Variants in PCIF1 observed in about 807,000 individuals in gnomAD.
The protein encoded by PCIF1 is mRNA (2'-O-methyladenosine-N(6)-)-methyltransferase.
PCIF1 carries 12 observed loss-of-function variants against 86.9 expected under a neutral mutation model. The observed-to-expected ratio is 0.14, with a 90% confidence interval of 0.09 to 0.22. PCIF1 has a LOEUF of 0.22. PCIF1 is among the 10% of genes least tolerant of loss of function. The probability of loss-of-function intolerance (pLI) is 1.00; values close to 1 mark genes in which losing one functional copy is unlikely to be tolerated. For synonymous variants in PCIF1, 397 were observed against 372.0 expected, an observed-to-expected ratio of 1.07 and a Z score of -0.77; for missense variants, 701 against 951.1, an observed-to-expected ratio of 0.74 and a Z score of 3.46.
In PCIF1 at chr20:45,943,364, G is replaced by C. The variant is rs751808254; in HGVS notation, c.846G>C (p.Glu282Asp). 6.2e-7 allele frequency: 1 copy of C among 1,614,152 alleles called. No individual in the cohort carries two copies. The highest frequency in any genetic ancestry group is 8.5e-7 in the Non-Finnish European group (1 of 1,180,006). ...PIRLSRIKFR[E>D]EAKRLLFKYA... Reference sequence around the variant, plus strand: ...GGTTATCCCGAATCAAGTTCCGGGAGGAAGCCAAGCGCCTGCTCTTTAAAT... The same window carrying C: ...GGTTATCCCGAATCAAGTTCCGGGACGAAGCCAAGCGCCTGCTCTTTAAAT... The change falls in exon 9 of 17, where the codon GAG (glutamate) becomes GAC (aspartate). Residue 282 changes from glutamate to aspartate, a missense_variant. By Grantham distance (45) the Glu-to-Asp change is conservative. Transcript: ENST00000372409. This position sits in a 1 kb window ranked among gnomAD's most constrained non-coding sequence, Gnocchi z 5.5.
chr20:45,939,796 T>A (rs1365600985), intron 4 of PCIF1, among the ~76,000 whole-genome samples: 3 of 152,126 alleles, frequency 2.0e-5, no homozygotes, highest in Admixed American at 2.0e-4. Flanking sequence ...CATTCTAGGA[T>A]CTGACATGTC....
In PCIF1 at chr20:45,945,630, C is replaced by T. The variant is rs188056802; in HGVS notation, c.1169-81C>T. On this transcript the variant is annotated intron_variant, in intron 11 of 16. Coordinates refer to ENST00000372409, the MANE Select transcript of PCIF1 (RefSeq NM_022104.4). ...GATCTGTGGAATGGGACTTCCCTCTCTCGGTACAAAGCATGTGGCCCACAG... is the reference window on the plus strand; with the variant it reads ...GATCTGTGGAATGGGACTTCCCTCTTTCGGTACAAAGCATGTGGCCCACAG... 1.7e-3 allele frequency: 2,628 copies of T among 1,512,588 alleles called. 1 individual carries two copies. The highest frequency in any genetic ancestry group is 2.0e-3 in the Non-Finnish European group (2,252 of 1,112,878). The allele number at this position is 1,512,588 out of a possible 1,614,324, so 93.7% of individuals were successfully genotyped here. A position where few individuals can be genotyped will look rare whatever the true frequency, so the allele number is the denominator to read the frequency against.
intron 1 of PCIF1, among the ~76,000 whole-genome samples, chr20:45,935,753 A>G (rs907899635): frequency 2.6e-5 from 4 of 152,108 alleles, no homozygotes; most frequent in Non-Finnish European, 5.9e-5. Context: ...TAAAAATACA[A>G]ATTCTTGTGT....
chr20:45,943,557 C>G lies in PCIF1; in HGVS notation c.906-109C>G, dbSNP rs143785744. On this transcript the variant is annotated intron_variant, in intron 9 of 16. Coordinates refer to ENST00000372409, the MANE Select transcript of PCIF1 (RefSeq NM_022104.4). The surrounding 1 kb of genome is among the most constrained non-coding windows in gnomAD (Gnocchi z 5.5). Reference sequence around the variant, plus strand: ...GTGGGGCCAGCTCCCAAAGGCAGAACAAGGGCTGTGATGGAAGCTAGGGGT... The same window carrying G: ...GTGGGGCCAGCTCCCAAAGGCAGAAGAAGGGCTGTGATGGAAGCTAGGGGT... 2.5e-4 allele frequency: 338 copies of G among 1,354,278 alleles called. 1 individual carries two copies. In the East Asian group the frequency reaches 8.4e-3, roughly 34 times the overall value. 83.9% of individuals were successfully genotyped at this position (1,354,278 alleles called of 1,614,324 possible). A position where few individuals can be genotyped will look rare whatever the true frequency, so the allele number is the denominator to read the frequency against.
Position 45,944,934 on chromosome 20 carries a change from G to T in PCIF1, c.1072G>T (p.Glu358Ter). 6.2e-7 allele frequency: 1 copy of T among 1,614,186 alleles called. No individual in the cohort carries two copies. Among genetic ancestry groups the T allele is most frequent in the Non-Finnish European group, 8.5e-7 (1 of 1,180,026 alleles). ...CTCGGCCGCAGCCAAGGACTCCGTG[G>T]AAGGCATCTGCAGTAAGATCTACCA... The part of the protein sequence containing the change: ...HVSAAAKDSV[E>*]GICSKIYHIS... The change falls in exon 11 of 17, where the codon GAA becomes TAA. Residue 358 changes from glutamate to a stop codon, truncating the protein, a stop_gained. Transcript: ENST00000372409. LOFTEE classifies it high-confidence loss of function.
In PCIF1 at chr20:45,947,982, T is replaced by A; in HGVS notation, c.*227T>A. 6.6e-7 allele frequency: 1 copy of A among 1,522,448 alleles called. No individual in the cohort carries two copies. The highest frequency in any genetic ancestry group is 2.5e-5 in the East Asian group (1 of 40,372). The allele number at this position is 1,522,448 out of a possible 1,614,324, so 94.3% of individuals were successfully genotyped here. A position where few individuals can be genotyped will look rare whatever the true frequency, so the allele number is the denominator to read the frequency against. On this transcript the variant is annotated 3_prime_UTR_variant, in exon 17 of 17. Transcript: ENST00000372409. The surrounding 1 kb of genome is among the most constrained non-coding windows in gnomAD (Gnocchi z 5.4). ...CCCCGCCCCTCACCCTGTTGCCACC[T>A]TGTTTCATTTGTAAAAGGAAATACA...
At position 45,947,062 on chromosome 20, in the gene PCIF1, C is replaced by T. The variant is rs765402620; in HGVS notation, c.1614-11C>T. The T allele has an allele frequency of 3.1e-6, 5 of 1,602,668 alleles. No individual in the cohort carries two copies. The highest frequency in any genetic ancestry group is 2.2e-5 in the South Asian group (2 of 90,316). On this transcript the variant is annotated splice_polypyrimidine_tract_variant and intron_variant, in intron 14 of 16. Coordinates refer to ENST00000372409, the MANE Select transcript of PCIF1 (RefSeq NM_022104.4). The surrounding 1 kb of genome is among the most constrained non-coding windows in gnomAD (Gnocchi z 5.4). ...CCTGATGGGACTTAGAATGCTCACTCCTGTCCCCAGGCCCTGCCTAGACTT... is the reference window on the plus strand; with the variant it reads ...CCTGATGGGACTTAGAATGCTCACTTCTGTCCCCAGGCCCTGCCTAGACTT...
intron 7 of PCIF1, among the ~76,000 whole-genome samples, chr20:45,942,766 CTTTTTT>C (rs780815783): frequency 7.0e-5 from 5 of 71,760 alleles, no homozygotes; most frequent in South Asian, 5.8e-4. Context: ...CAGCTAATTT[CTTTTTT>C]TTTTTTTTTT....
intron 14 of PCIF1, among the ~76,000 whole-genome samples, chr20:45,946,629 G>A (rs2083529544): frequency 6.6e-6 from 1 of 152,202 alleles, no homozygotes; most frequent in Admixed American, 6.5e-5. Flanking sequence ...GTTCAGGGTG[G>A]AATAGGAACA....
chr20:45,944,912 G>T lies in PCIF1; in HGVS notation c.1050G>T (p.Ser350=). The T allele has an allele frequency of 6.2e-7, 1 of 1,614,092 alleles. No homozygotes were observed. Among genetic ancestry groups the T allele is most frequent in the Non-Finnish European group, 8.5e-7 (1 of 1,180,002 alleles). The change falls in exon 11 of 17, where the codon TCG becomes TCT. Residue 350 remains serine (S), a synonymous_variant. Transcript: ENST00000372409. ...GGAGGCAGTGTGGCCCCCACGTCTC[G>T]GCCGCAGCCAAGGACTCCGTGGAAG... ...HLRRQCGPHV[S]AAAKDSVEGI... is the part of the protein sequence containing the mutation.
At chr20:45,944,780 T>C (rs962798077) in intron 10 of PCIF1, 88 bp from the exon 11 acceptor site, 2 of 1,432,924 alleles carry the variant, frequency 1.4e-6, no homozygotes, top group Non-Finnish European at 9.4e-7. Context: ...CAAGGACTGC[T>C]GGACTCCAAC....
intron 2 of PCIF1, 149 bp from the exon 3 acceptor site, chr20:45,938,832 C>T: frequency 9.8e-7 from 1 of 1,017,350 alleles, no homozygotes; most frequent in Non-Finnish European, 1.5e-6. Context: ...GCTTAGATCC[C>T]AGGGCTGCTG....
At chr20:45,940,701 G>C in intron 5 of PCIF1, 89 bp downstream of exon 5, 1 of 1,569,334 alleles carries the variant, frequency 6.4e-7, no homozygotes, top group Non-Finnish European at 8.6e-7. Context: ...GCATTGGCAG[G>C]CCAGCCAGGA....
At chr20:45,936,899 C>T (rs1451745590) in intron 1 of PCIF1, among the ~76,000 whole-genome samples, 1 of 152,176 alleles carries the variant, frequency 6.6e-6, no homozygotes, top group Non-Finnish European at 1.5e-5. Flanking sequence ...TGCACTCCAG[C>T]CTGGGTGATG....
chr20:45,934,771 T>C lies in PCIF1; in HGVS notation c.-221T>C, dbSNP rs2083400914. 1 of 398,146 alleles carries C rather than the reference T, an allele frequency of 2.5e-6. No homozygotes were observed. The highest frequency in any genetic ancestry group is 4.4e-5 in the Admixed American group (1 of 22,680). 24.7% of individuals were successfully genotyped at this position (398,146 alleles called of 1,614,324 possible). ...GCAAAACGGGCGGTCGAGCAGAACG[T>C]GTAGCCGCGTCCCCTCCAGTCCGCT... On this transcript the variant is annotated 5_prime_UTR_variant, in exon 1 of 17. Coordinates refer to ENST00000372409, the MANE Select transcript of PCIF1 (RefSeq NM_022104.4).
intron 11 of PCIF1, among the ~76,000 whole-genome samples, chr20:45,945,275 A>ACT (rs1435177091): frequency 6.6e-6 from 1 of 152,228 alleles, no homozygotes; most frequent in African/African-American, 2.4e-5. Context: ...TGCAAGCCTT[A>ACT]CTTTCCCCAG....
intron 1 of PCIF1, 139 bp from the exon 2 acceptor site, chr20:45,937,279 T>G (rs1042766767): frequency 2.5e-6 from 1 of 397,316 alleles, no homozygotes; most frequent in African/African-American, 2.1e-5. Context: ...GGTATCATTT[T>G]CATCCCCTGT....
chr20:45,947,691 C>T lies in PCIF1; in HGVS notation c.2051C>T (p.Ser684Leu), dbSNP rs760175614. ...HSSGSSSSSSSEAKDRDSGRE... is the reference protein window; with the variant it reads ...HSSGSSSSSSLEAKDRDSGRE... ...TCTGGTTCTTCCTCATCGTCCTCCTCGGAGGCCAAGGACCGGGACTCGGGC... is the reference window on the plus strand; with the variant it reads ...TCTGGTTCTTCCTCATCGTCCTCCTTGGAGGCCAAGGACCGGGACTCGGGC... Residue 684 changes from serine to leucine, a missense_variant, in exon 17 of 17, where the codon TCG (serine) becomes TTG (leucine). Ser to Leu is a moderately radical substitution (Grantham distance 145). This residue lies in a region of PCIF1 where 174 missense variants were observed against 206.9 expected (regional missense o/e 0.84). Transcript: ENST00000372409. The surrounding 1 kb of genome is among the most constrained non-coding windows in gnomAD (Gnocchi z 5.4). The T allele has an allele frequency of 8.1e-6, 13 of 1,609,650 alleles. No homozygotes were observed. Among genetic ancestry groups the T allele is most frequent in the Middle Eastern group, 1.7e-4 (1 of 6,050 alleles).
intron 2 of PCIF1, 39 bp from the exon 3 acceptor site, chr20:45,938,942 G>C (rs550567225): frequency 6.2e-7 from 1 of 1,604,506 alleles, no homozygotes; most frequent in Non-Finnish European, 8.5e-7. Context: ...TGGCGGGTGA[G>C]GGGGTGGAGC....
Sources: gnomAD v4.1 joint callset for allele counts (sites outside exome capture counted in the v4.1 genomes callset) on GRCh38, gnomAD v4.1.1 for gene constraint, gnomAD v4.1.1 regional missense constraint, Gnocchi (gnomAD v3.1) non-coding constraint, MANE v1.5 for transcripts, NCBI Gene and HGNC (gene_info 2026-07-23, HGNC 2026-07-21) for gene names.